The following GRID2 variants were observed in gnomAD, a reference collection of about 807,000 sequenced individuals.
The protein encoded by GRID2 is glutamate receptor ionotropic, delta-2.
In GRID2, 33 loss-of-function variants were observed where a neutral mutation model predicts 114.8. The ratio of observed to expected loss-of-function variants is 0.29; its 90% CI spans 0.22 to 0.38. The LOEUF is 0.38. Among genes scored for constraint, GRID2 ranks in the 10% least tolerant of loss-of-function variants. GRID2 has a pLI of 1.00. For synonymous variants in GRID2, 505 were observed against 449.9 expected (o/e 1.12, Z -1.55); for missense variants, 1,184 against 1,257.7 (o/e 0.94, Z 0.89).
In GRID2 at chr4:92,966,592, A is replaced by G. The variant is rs577657984; in HGVS notation, c.245-118403A>G. Among the ~76,000 whole-genome samples the G allele has an allele frequency of 3.3e-5, 5 of 151,950 alleles. No homozygotes were observed. In the East Asian group the frequency reaches 9.7e-4, roughly 30 times the overall value. ...GTGCAGTTTCCCCTATACTGTTCTC[A>G]TGGTGGTGAATAAGTCTCACAAGAT... On this transcript the variant is annotated intron_variant, in intron 2 of 15. Transcript: ENST00000282020.
intron 2 of GRID2, among the ~76,000 whole-genome samples, chr4:92,949,500 G>T (rs1343666041): frequency 1.3e-5 from 2 of 151,836 alleles, no homozygotes; most frequent in South Asian, 4.2e-4. Context: ...TTTAGTTTAT[G>T]ATTGACTGTC....
intron 11 of GRID2, among the ~76,000 whole-genome samples, chr4:93,482,383 G>C (rs1725956093): frequency 6.6e-6 from 1 of 151,962 alleles, no homozygotes; most frequent in Admixed American, 6.6e-5. Context: ...CATGTCCTTT[G>C]CAAGGACATG....
At chr4:93,650,346 T>G (rs955455896) in intron 14 of GRID2, among the ~76,000 whole-genome samples, 1 of 152,104 alleles carries the variant, frequency 6.6e-6, no homozygotes, top group Admixed American at 6.6e-5. Context: ...ATTTGGGGAA[T>G]TATATGTTAT....
At chr4:92,384,677 TATATATATA>T (rs957315776) in intron 1 of GRID2, among the ~76,000 whole-genome samples, 1 of 102,632 alleles carries the variant, frequency 9.7e-6, no homozygotes, top group Non-Finnish European at 2.0e-5. Context: ...ACATATATTA[TATATATATA>T]ATATATATGA....
At chr4:92,310,009 A>C (rs1419747765) in intron 1 of GRID2, among the ~76,000 whole-genome samples, 1 of 152,002 alleles carries the variant, frequency 6.6e-6, no homozygotes. Context: ...GGGAAAAAAA[A>C]ACACATGGAC....
chr4:93,460,568 A>G (rs1287038630), intron 11 of GRID2, among the ~76,000 whole-genome samples: 1 of 152,128 alleles, frequency 6.6e-6, no homozygotes, highest in African/African-American at 2.4e-5. Context: ...CTTACCAACC[A>G]TAGTGTAATT....
intron 1 of GRID2, among the ~76,000 whole-genome samples, chr4:92,547,086 C>T (rs1290728638): frequency 6.6e-6 from 1 of 152,144 alleles, no homozygotes; most frequent in East Asian, 1.9e-4. Flanking sequence ...AGGAGGGTTT[C>T]TGTAACTTTG....
chr4:92,803,599 G>A (rs1230722881), intron 2 of GRID2, among the ~76,000 whole-genome samples: 1 of 151,830 alleles, frequency 6.6e-6, no homozygotes, highest in Admixed American at 6.6e-5. Flanking sequence ...AACTTTTTCT[G>A]TGTGTTTATA....
chr4:93,050,333 T>C (rs1726568899), intron 2 of GRID2, among the ~76,000 whole-genome samples: 1 of 152,100 alleles, frequency 6.6e-6, no homozygotes, highest in Non-Finnish European at 1.5e-5. Context: ...CTGAAATGTC[T>C]TCTATCCTCG....
At chr4:93,468,815 G>C (rs1266597234) in intron 11 of GRID2, among the ~76,000 whole-genome samples, 1 of 151,956 alleles carries the variant, frequency 6.6e-6, no homozygotes, top group Non-Finnish European at 1.5e-5. Context: ...CTTTTCTAGA[G>C]CTATTCTATT....
chr4:92,798,359 A>T (rs984485419), intron 2 of GRID2, among the ~76,000 whole-genome samples: 3 of 152,160 alleles, frequency 2.0e-5, no homozygotes, highest in African/African-American at 7.2e-5. Flanking sequence ...AAAAAAAGTG[A>T]CAAGGCAAAC....
At position 93,457,855 on chromosome 4, in the gene GRID2, T is replaced by C. The variant is rs558823235; in HGVS notation, c.1858+1881T>C. ...ATGACAGGAGAGATGATACATTCAT[T>C]CTGCTGCACATTGAGTTTGAGCTAT... On this transcript the variant is annotated intron_variant, in intron 11 of 15. Coordinates refer to ENST00000282020, the MANE Select transcript of GRID2 (RefSeq NM_001510.4). 1.4e-4 allele frequency among the ~76,000 whole-genome samples: 22 copies of C among 152,338 alleles called. No individual in the cohort carries two copies. The East Asian group carries it at 4.2e-3, about 29-fold the overall frequency.
chr4:92,884,584 C>T (rs1327791360), intron 2 of GRID2: 1 of 155,832 alleles, frequency 6.4e-6, no homozygotes, highest in Admixed American at 6.4e-5. Context: ...CTTCCTTTCA[C>T]TTGAATTCTT....
At chr4:92,851,644 A>G (rs1050628958) in intron 2 of GRID2, among the ~76,000 whole-genome samples, 10 of 152,004 alleles carry the variant, frequency 6.6e-5, no homozygotes, top group Non-Finnish European at 1.5e-5. Context: ...TCAGTTAAAG[A>G]AAAGTTGTGA....
At chr4:93,666,876 A>G (rs78827387) in intron 14 of GRID2, among the ~76,000 whole-genome samples, 2,178 of 152,260 alleles carry the variant, frequency 0.014, 49 homozygotes, top group African/African-American at 0.049. Flanking sequence ...GAAAGAAGGA[A>G]AAAACAAAAT....
At chr4:93,411,941 TAAAAAAA>T (rs747148973) in intron 9 of GRID2, among the ~76,000 whole-genome samples, 1 of 138,714 alleles carries the variant, frequency 7.2e-6, no homozygotes, top group Non-Finnish European at 1.6e-5. Flanking sequence ...ATCTCTCTAT[TAAAAAAA>T]AAAAAAGAAA....
intron 14 of GRID2, among the ~76,000 whole-genome samples, chr4:93,645,237 C>T (rs767284338): frequency 6.6e-6 from 1 of 152,050 alleles, no homozygotes; most frequent in Non-Finnish European, 1.5e-5. Context: ...TTAGCCTCAC[C>T]GGCTGAGAGA....
At chr4:92,500,281 G>A (rs1723611600) in intron 1 of GRID2, among the ~76,000 whole-genome samples, 1 of 150,782 alleles carries the variant, frequency 6.6e-6, no homozygotes, top group South Asian at 2.1e-4. Flanking sequence ...TTCTATTTTT[G>A]TGCTTCGTTT....
intron 2 of GRID2, among the ~76,000 whole-genome samples, chr4:93,021,575 A>G (rs1723322144): frequency 6.9e-6 from 1 of 145,864 alleles, no homozygotes; most frequent in Non-Finnish European, 1.5e-5. Flanking sequence ...TAAATAATAT[A>G]TATTATATAA....
Sources: gnomAD v4.1 joint callset for allele counts (sites outside exome capture counted in the v4.1 genomes callset) on GRCh38, gnomAD v4.1.1 for gene constraint, MANE v1.5 for transcripts, NCBI Gene and HGNC (gene_info 2026-07-23, HGNC 2026-07-21) for gene names.